CSMD3: variants seen among roughly 807,000 people sequenced by gnomAD.
CSMD3 encodes CUB and Sushi multiple domains 3, also known as CUB and sushi domain-containing protein 3.
CSMD3 carries 177 observed loss-of-function variants against 435.2 expected under a neutral mutation model. That is an observed-to-expected ratio of 0.41 (90% CI 0.36 to 0.46). The LOEUF (loss-of-function observed/expected upper bound fraction) is 0.46. CSMD3 is among the 20% of genes least tolerant of loss of function. The pLI is 0.34. For missense variants in CSMD3, 4,265 were observed against 4,504.6 expected (o/e 0.95, Z 1.52); for synonymous variants, 1,656 against 1,520.5 (o/e 1.09, Z -2.07).
At chr8:112,291,478 T>C (rs756328231) in intron 56 of CSMD3, 32 bp downstream of exon 56, 1 of 1,431,264 alleles carries the variant, frequency 7.0e-7, no homozygotes. Context: ...CCATGACATG[T>C]TCTCAAGAAA....
intron 5 of CSMD3, among the ~76,000 whole-genome samples, chr8:113,019,982 T>G (rs2086625612): frequency 6.6e-6 from 1 of 150,884 alleles, no homozygotes; most frequent in Non-Finnish European, 1.5e-5. Context: ...GCTAACAAGG[T>G]GAAACCCCGT....
intron 4 of CSMD3, among the ~76,000 whole-genome samples, chr8:113,134,534 T>C (rs1480836605): frequency 6.6e-6 from 1 of 152,036 alleles, no homozygotes; most frequent in Non-Finnish European, 1.5e-5. Context: ...ATTTATAAGA[T>C]ATGAACTATA....
intron 59 of CSMD3, among the ~76,000 whole-genome samples, chr8:112,266,913 A>T (rs1350317356): frequency 1.3e-5 from 2 of 152,178 alleles, no homozygotes; most frequent in Non-Finnish European, 2.9e-5. Flanking sequence ...GAGATAAAAA[A>T]CATGTAGTAT....
chr8:112,764,895 CAGA>C (rs1482951982), intron 13 of CSMD3, among the ~76,000 whole-genome samples: 4 of 151,138 alleles, frequency 2.6e-5, no homozygotes, highest in African/African-American at 4.9e-5. Flanking sequence ...GAGGGGATAT[CAGA>C]AGAAGATTAC....
intron 6 of CSMD3, among the ~76,000 whole-genome samples, chr8:113,015,248 G>A (rs891040041): frequency 6.6e-5 from 10 of 152,140 alleles, no homozygotes; most frequent in Non-Finnish European, 1.2e-4. Flanking sequence ...CAATAAATAT[G>A]CTTTTCTTTC....
chr8:113,181,235 A>T (rs938005211), intron 3 of CSMD3, among the ~76,000 whole-genome samples: 1 of 151,982 alleles, frequency 6.6e-6, no homozygotes, highest in Non-Finnish European at 1.5e-5. Flanking sequence ...TTGTCATTTT[A>T]AAAAAATATT....
intron 38 of CSMD3, among the ~76,000 whole-genome samples, chr8:112,359,770 A>G (rs535312791): frequency 3.3e-5 from 5 of 152,118 alleles, no homozygotes; most frequent in Admixed American, 6.6e-5. Context: ...GAGTCTGTAC[A>G]TTGCAATCCC....
intron 4 of CSMD3, among the ~76,000 whole-genome samples, chr8:113,119,590 G>C (rs2090928776): frequency 6.6e-6 from 1 of 152,118 alleles, no homozygotes; most frequent in South Asian, 2.1e-4. Context: ...ATAAAAACAA[G>C]CATTGTCCTT....
intron 13 of CSMD3, among the ~76,000 whole-genome samples, chr8:112,798,247 G>C (rs73702220): frequency 0.011 from 1,687 of 151,906 alleles, 36 homozygotes; most frequent in African/African-American, 0.039. Flanking sequence ...AACTTGCAGG[G>C]TTCAGAGAGT....
chr8:113,181,529 T>C (rs1163054616), intron 3 of CSMD3, among the ~76,000 whole-genome samples: 2 of 152,086 alleles, frequency 1.3e-5, no homozygotes, highest in Admixed American at 6.6e-5. Flanking sequence ...GCCCATTCAA[T>C]TGGAAATATC....
At chr8:112,981,422 A>T (rs1343776350) in intron 6 of CSMD3, among the ~76,000 whole-genome samples, 1 of 151,556 alleles carries the variant, frequency 6.6e-6, no homozygotes, top group Non-Finnish European at 1.5e-5. Context: ...ACCTTTCTGA[A>T]TTTACTGACA....
chr8:112,422,697 G>A (rs1243132987), intron 32 of CSMD3, among the ~76,000 whole-genome samples: 2 of 152,106 alleles, frequency 1.3e-5, no homozygotes, highest in African/African-American at 4.8e-5. Flanking sequence ...TCACTCACAT[G>A]TACACTCCCA....
At chr8:112,476,961 T>C (rs964895586) in intron 31 of CSMD3, among the ~76,000 whole-genome samples, 3 of 152,182 alleles carry the variant, frequency 2.0e-5, no homozygotes, top group African/African-American at 7.2e-5. Flanking sequence ...ATAAGACTTA[T>C]CATATTTCTC....
chr8:112,670,094 G>A (rs1306695366), intron 16 of CSMD3, among the ~76,000 whole-genome samples: 1 of 152,086 alleles, frequency 6.6e-6, no homozygotes, highest in Admixed American at 6.6e-5. Flanking sequence ...AAAAGGAAAT[G>A]AATAAATGTT....
At chr8:113,252,281 C>T (rs980920240) in intron 3 of CSMD3, among the ~76,000 whole-genome samples, 1 of 151,956 alleles carries the variant, frequency 6.6e-6, no homozygotes, top group African/African-American at 2.4e-5. Context: ...TTGGTTTTCA[C>T]AGCTATTGTC....
intron 1 of CSMD3, 117 bp downstream of exon 1, chr8:113,436,560 T>A (rs2094707643): frequency 2.0e-6 from 2 of 984,234 alleles, no homozygotes; most frequent in Non-Finnish European, 3.3e-6. Flanking sequence ...ATCAACTCCT[T>A]TAGTATTATC....
At chr8:113,347,766 A>G (rs138871396) in intron 1 of CSMD3, among the ~76,000 whole-genome samples, 25 of 152,160 alleles carry the variant, frequency 1.6e-4, no homozygotes, top group Non-Finnish European at 3.2e-4. Context: ...ACTTACTGTC[A>G]AGATACAAGC....
At chr8:113,071,193 A>G (rs2089100011) in intron 5 of CSMD3, among the ~76,000 whole-genome samples, 1 of 151,900 alleles carries the variant, frequency 6.6e-6, no homozygotes. Flanking sequence ...TAGTTTTGCT[A>G]CTGAGTTTTG....
chr8:112,690,989 A>T (rs1437399023), intron 13 of CSMD3, among the ~76,000 whole-genome samples: 1 of 152,166 alleles, frequency 6.6e-6, no homozygotes, highest in Non-Finnish European at 1.5e-5. Flanking sequence ...GCATCGATTT[A>T]ATGTGTATCT....
Sources: gnomAD v4.1 joint callset for allele counts (sites outside exome capture counted in the v4.1 genomes callset) on GRCh38, gnomAD v4.1.1 for gene constraint, MANE v1.5 for transcripts, NCBI Gene and HGNC (gene_info 2026-07-23, HGNC 2026-07-21) for gene names.